GRK5: variants seen among roughly 807,000 people sequenced by gnomAD.
GRK5 encodes the protein G protein-coupled receptor kinase 5, also known as g protein-coupled receptor kinase GRK5.
In GRK5, 40 loss-of-function variants were observed where a neutral mutation model predicts 78.4. The observed-to-expected ratio is 0.51, with a 90% CI of 0.40 to 0.66. The LOEUF (loss-of-function observed/expected upper bound fraction) is 0.66, where lower values mean the gene tolerates loss of function less well. GRK5 is among the 30% of genes least tolerant of loss of function. The pLI is 0.00. For missense variants in GRK5, 598 were observed against 759.9 expected (o/e 0.79, Z 2.50); for synonymous variants, 289 against 296.8 (o/e 0.97, Z 0.27).
At chr10:119,307,910 G>T (rs1850298181) in intron 1 of GRK5, among the ~76,000 whole-genome samples, 1 of 152,128 alleles carries the variant, frequency 6.6e-6, no homozygotes, top group African/African-American at 2.4e-5. Context: ...CCACTGCCTT[G>T]CCCCAGCTTG....
At chr10:119,350,948 G>T (rs1174420995) in intron 2 of GRK5, among the ~76,000 whole-genome samples, 1 of 152,184 alleles carries the variant, frequency 6.6e-6, no homozygotes, top group African/African-American at 2.4e-5. Context: ...CACCCATTAG[G>T]CAGATATTCA....
intron 1 of GRK5, among the ~76,000 whole-genome samples, chr10:119,312,735 C>T (rs975813111): frequency 2.0e-5 from 3 of 152,136 alleles, no homozygotes; most frequent in South Asian, 2.1e-4. Flanking sequence ...CTGGCAATGT[C>T]GGGACAGACG....
At chr10:119,213,545 G>A (rs1233353640) in intron 1 of GRK5, among the ~76,000 whole-genome samples, 1 of 151,998 alleles carries the variant, frequency 6.6e-6, no homozygotes, top group Non-Finnish European at 1.5e-5. Flanking sequence ...ATGTATTATG[G>A]CCTTAAATAA....
At chr10:119,440,386 CT>C (rs1005362791) in intron 10 of GRK5, among the ~76,000 whole-genome samples, 246 of 145,164 alleles carry the variant, frequency 1.7e-3, no homozygotes, top group Middle Eastern at 7.1e-3. Flanking sequence ...CCTATACCTT[CT>C]TTTTTTTTTT....
intron 2 of GRK5, among the ~76,000 whole-genome samples, chr10:119,369,729 A>G (rs1247600366): frequency 6.6e-6 from 1 of 152,188 alleles, no homozygotes; most frequent in Non-Finnish European, 1.5e-5. Context: ...TCCCCAGGCT[A>G]GCACAAAAGT....
chr10:119,256,563 G>T (rs1416005352), intron 1 of GRK5, among the ~76,000 whole-genome samples: 2 of 152,024 alleles, frequency 1.3e-5, no homozygotes, highest in Non-Finnish European at 2.9e-5. Context: ...GTGGGAAGGG[G>T]AGGCCCTGGG....
intron 4 of GRK5, among the ~76,000 whole-genome samples, chr10:119,416,013 C>T (rs976323752): frequency 1.7e-4 from 26 of 152,278 alleles, no homozygotes; most frequent in Middle Eastern, 3.4e-3. Context: ...CAGGGTGACG[C>T]GGGGCAAAGG....
intron 1 of GRK5, among the ~76,000 whole-genome samples, chr10:119,210,303 A>G (rs982241952): frequency 3.3e-5 from 5 of 152,226 alleles, no homozygotes; most frequent in Non-Finnish European, 5.9e-5. Flanking sequence ...CATTTAATGG[A>G]AACCTCATTT....
At chr10:119,277,642 C>T (rs10886437) in intron 1 of GRK5, among the ~76,000 whole-genome samples, 21,991 of 151,954 alleles carry the variant, frequency 0.14, 1,752 homozygotes, top group Middle Eastern at 0.21. Context: ...TATCCATACC[C>T]GTGTGAATCT....
intron 4 of GRK5, among the ~76,000 whole-genome samples, chr10:119,400,740 G>A (rs1451280129): frequency 6.6e-6 from 1 of 152,202 alleles, no homozygotes; most frequent in Non-Finnish European, 1.5e-5. Flanking sequence ...TGACCACATG[G>A]AGGAGGAATA....
At chr10:119,277,968 CCA>C (rs1849696391) in intron 1 of GRK5, among the ~76,000 whole-genome samples, 1 of 152,236 alleles carries the variant, frequency 6.6e-6, no homozygotes, top group Admixed American at 6.5e-5. Flanking sequence ...TATCGATAGA[CCA>C]CAGTTTGTTT....
At chr10:119,439,524 A>G (rs527667982) in intron 9 of GRK5, among the ~76,000 whole-genome samples, 60 of 152,404 alleles carry the variant, frequency 3.9e-4, no homozygotes, top group African/African-American at 1.3e-3. Context: ...TGCCTGTGGC[A>G]AACGGCAGTG....
chr10:119,448,676 G>T (rs745589526), intron 13 of GRK5, among the ~76,000 whole-genome samples: 9 of 152,152 alleles, frequency 5.9e-5, no homozygotes, highest in Admixed American at 1.3e-4. Flanking sequence ...TGACCAGCAT[G>T]CATGCATCGA....
At chr10:119,306,340 G>C (rs571665629) in intron 1 of GRK5, among the ~76,000 whole-genome samples, 1 of 152,330 alleles carries the variant, frequency 6.6e-6, no homozygotes, top group East Asian at 1.9e-4. Flanking sequence ...TGCACACACC[G>C]ATAAACTTCA....
At chr10:119,256,742 G>A (rs771637384) in intron 1 of GRK5, among the ~76,000 whole-genome samples, 5 of 151,892 alleles carry the variant, frequency 3.3e-5, no homozygotes, top group South Asian at 4.1e-4. Context: ...GATAATTCAC[G>A]TACCATAATA....
At position 119,238,593 on chromosome 10, in the gene GRK5, C is replaced by G. The variant is rs1428749345; in HGVS notation, c.52+30624C>G. On this transcript the variant is annotated intron_variant, in intron 1 of 15. Coordinates refer to ENST00000392870, the MANE Select transcript of GRK5 (RefSeq NM_005308.3). The surrounding 1 kb of genome is among the most constrained non-coding windows in gnomAD (Gnocchi z 4.7). ...GGACAATATGCAGGAAAACACCCGCCTTCTCTTAGACATGTAGGGTTCGCG... is the reference window on the plus strand; with the variant it reads ...GGACAATATGCAGGAAAACACCCGCGTTCTCTTAGACATGTAGGGTTCGCG... Among the ~76,000 whole-genome samples the G allele has an allele frequency of 6.6e-6, 1 of 152,184 alleles. No homozygotes were observed. The highest frequency in any genetic ancestry group is 2.4e-5 in the African/African-American group (1 of 41,440).
chr10:119,271,309 A>G lies in GRK5; in HGVS notation c.53-55207A>G, dbSNP rs1849580124. Among the ~76,000 whole-genome samples, 1 of 152,216 alleles carries G rather than the reference A, an allele frequency of 6.6e-6. No homozygotes were observed. The highest frequency in any genetic ancestry group is 1.5e-5 in the Non-Finnish European group (1 of 68,036). On this transcript the variant is annotated intron_variant, in intron 1 of 15. Coordinates refer to ENST00000392870, the MANE Select transcript of GRK5 (RefSeq NM_005308.3). This position sits in a 1 kb window ranked among gnomAD's most constrained non-coding sequence, Gnocchi z 4.1. ...CTCATCCCCTCGAGCTGCCAACACA[A>G]TCAAGGGTCTGCAGGTTTGGGAACT...
chr10:119,409,718 C>CG (rs1195775583), intron 4 of GRK5, among the ~76,000 whole-genome samples: 2 of 152,036 alleles, frequency 1.3e-5, no homozygotes, highest in Non-Finnish European at 2.9e-5. Context: ...CCCCCTGCCC[C>CG]CCAACCCCTT....
At chr10:119,425,145 G>T in intron 6 of GRK5, 60 bp downstream of exon 6, 1 of 1,239,268 alleles carries the variant, frequency 8.1e-7, no homozygotes, top group Non-Finnish European at 1.2e-6. Flanking sequence ...TTTCATCTGA[G>T]AATTCATATA....
Sources: allele counts gnomAD v4.1 joint callset (sites outside exome capture counted in the v4.1 genomes callset), GRCh38; gene constraint gnomAD v4.1.1; non-coding constraint Gnocchi (gnomAD v3.1); transcripts MANE v1.5; gene names NCBI Gene and HGNC (gene_info 2026-07-23, HGNC 2026-07-21).